SCN11A: variants seen among roughly 807,000 people sequenced by gnomAD.
SCN11A encodes the protein sodium voltage-gated channel alpha subunit 11.
SCN11A carries 122 observed loss-of-function variants against 162.2 expected under a neutral mutation model. The ratio of observed to expected loss-of-function variants is 0.75; its 90% confidence interval spans 0.65 to 0.87. The LOEUF (loss-of-function observed/expected upper bound fraction) is 0.87. Ranked by LOEUF, SCN11A falls within the 40% of genes least tolerant of loss-of-function variation. The pLI is 0.00. For synonymous variants in SCN11A, 758 were observed against 751.5 expected, an observed-to-expected ratio of 1.01 and a Z score of -0.14; for missense variants, 2,015 against 2,181.6, an observed-to-expected ratio of 0.92 and a Z score of 1.52.
intron 17 of SCN11A, among the ~76,000 whole-genome samples, chr3:38,898,074 C>CA (rs1043745515): frequency 2.0e-5 from 3 of 151,664 alleles, no homozygotes; most frequent in Non-Finnish European, 4.4e-5. Context: ...CCCATCTCTA[C>CA]AAAAAATACA....
At chr3:38,902,463 T>C (rs2065716833) in intron 16 of SCN11A, among the ~76,000 whole-genome samples, 1 of 151,996 alleles carries the variant, frequency 6.6e-6, no homozygotes, top group African/African-American at 2.4e-5. Flanking sequence ...GTATCACTGC[T>C]CCTTGTGGAG....
At chr3:39,013,846 T>C (rs2031213436) in intron 2 of SCN11A, among the ~76,000 whole-genome samples, 3 of 152,248 alleles carry the variant, frequency 2.0e-5, no homozygotes, top group African/African-American at 7.2e-5. Context: ...TCATACCTGG[T>C]TGCCATTGAA....
At chr3:38,953,299 G>C (rs1210581361) in intron 4 of SCN11A, among the ~76,000 whole-genome samples, 1 of 152,098 alleles carries the variant, frequency 6.6e-6, no homozygotes, top group African/African-American at 2.4e-5. Flanking sequence ...GGAAAAATAA[G>C]TAATGGGTGC....
chr3:38,944,005 T>C (rs1424004028), intron 7 of SCN11A, among the ~76,000 whole-genome samples: 2 of 152,210 alleles, frequency 1.3e-5, no homozygotes, highest in African/African-American at 4.8e-5. Flanking sequence ...AAATGTCCAA[T>C]TGGGATTGAT....
At chr3:38,870,297 G>A (rs900977581) in intron 26 of SCN11A, among the ~76,000 whole-genome samples, 6 of 152,164 alleles carry the variant, frequency 3.9e-5, no homozygotes, top group Non-Finnish European at 8.8e-5. Flanking sequence ...TGCAAATTTA[G>A]TGCAGTCTTA....
chr3:39,039,902 C>A (rs1009144929), intron 1 of SCN11A, among the ~76,000 whole-genome samples: 19 of 152,192 alleles, frequency 1.2e-4, no homozygotes, highest in Non-Finnish European at 2.4e-4. Context: ...AGCAACCCTG[C>A]CCCATCCAGT....
At chr3:38,995,222 G>A (rs2030588825) in intron 2 of SCN11A, among the ~76,000 whole-genome samples, 1 of 151,190 alleles carries the variant, frequency 6.6e-6, no homozygotes, top group East Asian at 1.9e-4. Context: ...CCGGGTTCAC[G>A]CCATTCTCCT....
At chr3:38,990,061 AC>A (rs1473165953) in intron 2 of SCN11A, among the ~76,000 whole-genome samples, 1 of 152,176 alleles carries the variant, frequency 6.6e-6, no homozygotes, top group Non-Finnish European at 1.5e-5. Flanking sequence ...TTAAAGTTTT[AC>A]TGAGATGAGC....
chr3:38,871,864 C>T (rs556203720), intron 24 of SCN11A, among the ~76,000 whole-genome samples, 156 bp from the exon 25 acceptor site: 8 of 152,274 alleles, frequency 5.3e-5, no homozygotes, highest in African/African-American at 1.9e-4. Flanking sequence ...ACAAGCCCTG[C>T]TCTCAGCTCC....
rs1199220120 is a variant in SCN11A, at chr3:38,969,582, G to A, written c.-279-9159C>T. ...CCTGTGGTCTAGGGGCTGCAGTTTA[G>A]TGTTCTTTGAAGAGTCAAGGGAGGA... On this transcript the variant is annotated intron_variant, in intron 2 of 29. Coordinates refer to ENST00000302328, the MANE Select transcript of SCN11A (RefSeq NM_001349253.2). Among the ~76,000 whole-genome samples the A allele has an allele frequency of 2.0e-5, 3 of 152,318 alleles. No homozygotes were observed. The East Asian group carries it at 5.8e-4, about 29-fold the overall frequency.
At chr3:38,989,962 G>A (rs2030398004) in intron 2 of SCN11A, among the ~76,000 whole-genome samples, 1 of 151,854 alleles carries the variant, frequency 6.6e-6, no homozygotes. Context: ...TCACACAGCT[G>A]TCATCTTTCT....
chr3:38,985,248 C>T (rs2030195360), intron 2 of SCN11A, among the ~76,000 whole-genome samples: 1 of 148,668 alleles, frequency 6.7e-6, no homozygotes, highest in Non-Finnish European at 1.5e-5. Context: ...CTGCCTTAGC[C>T]TCCCGAGTAG....
chr3:38,923,799 G>C (rs571556325), intron 9 of SCN11A, among the ~76,000 whole-genome samples: 1 of 152,180 alleles, frequency 6.6e-6, no homozygotes, highest in African/African-American at 2.4e-5. Flanking sequence ...AAGATGAGTC[G>C]GGGGAGCAGG....
intron 2 of SCN11A, among the ~76,000 whole-genome samples, chr3:38,979,733 C>A (rs193066466): frequency 3.2e-4 from 48 of 152,320 alleles, no homozygotes; most frequent in African/African-American, 1.1e-3. Context: ...TTGTCCCTGG[C>A]ATCTCAACCA....
intron 3 of SCN11A, among the ~76,000 whole-genome samples, chr3:38,959,113 T>G (rs2066715611): frequency 6.6e-6 from 1 of 152,168 alleles, no homozygotes; most frequent in African/African-American, 2.4e-5. Flanking sequence ...CCACACAATC[T>G]GGAATGCCAG....
At chr3:38,883,175 G>C in intron 22 of SCN11A, 58 bp downstream of exon 22, 1 of 1,496,634 alleles carries the variant, frequency 6.7e-7, no homozygotes, top group Non-Finnish European at 9.1e-7. Context: ...CCAAGTCAGA[G>C]TGCAGCTTCC....
At chr3:38,917,889 C>T (rs182996446) in intron 11 of SCN11A, among the ~76,000 whole-genome samples, 4 of 152,100 alleles carry the variant, frequency 2.6e-5, no homozygotes, top group East Asian at 1.9e-4. Context: ...ACCACCTGTT[C>T]CCCCAAAACC....
chr3:39,048,299 T>C (rs990293806), intron 1 of SCN11A, among the ~76,000 whole-genome samples: 2 of 152,136 alleles, frequency 1.3e-5, no homozygotes, highest in Non-Finnish European at 2.9e-5. Context: ...CTCACCAATA[T>C]GTGAAAGAGA....
intron 2 of SCN11A, among the ~76,000 whole-genome samples, chr3:39,006,532 C>A (rs911543365): frequency 6.6e-6 from 1 of 150,772 alleles, no homozygotes; most frequent in East Asian, 1.9e-4. Context: ...GACAAACCAA[C>A]CAATAGATAA....
Sources: gnomAD v4.1 joint callset for allele counts (sites outside exome capture counted in the v4.1 genomes callset) on GRCh38, gnomAD v4.1.1 for gene constraint, MANE v1.5 for transcripts, NCBI Gene and HGNC (gene_info 2026-07-23, HGNC 2026-07-21) for gene names.